The following SYNPR variants were observed in gnomAD, a reference collection of about 807,000 sequenced individuals.
SYNPR encodes the protein synaptoporin.
Under a neutral mutation model 32.9 loss-of-function variants are expected in SYNPR, and 23 were observed. The ratio of observed to expected loss-of-function variants is 0.70; its 90% CI spans 0.50 to 0.99. The LOEUF (loss-of-function observed/expected upper bound fraction) is 0.99. Ranked by LOEUF, SYNPR falls within the 50% of genes least tolerant of loss-of-function variation. The probability of loss-of-function intolerance (pLI) is 0.00; values close to 1 mark genes in which losing one functional copy is unlikely to be tolerated. For synonymous variants in SYNPR, 146 were observed against 135.9 expected (o/e 1.07, Z -0.52); for missense variants, 318 against 349.3 (o/e 0.91, Z 0.71).
chr3:63,217,913 T>C, the SYNPR span, among the ~76,000 whole-genome samples: 1 of 152,208 alleles, frequency 6.6e-6, no homozygotes, highest in African/African-American at 2.4e-5. Context: ...TCCAGTATCC[T>C]TAATAAGAGA....
At chr3:63,248,141 C>G (rs143372878) in intron 1 of SYNPR, among the ~76,000 whole-genome samples, 1 of 152,202 alleles carries the variant, frequency 6.6e-6, no homozygotes, top group East Asian at 1.9e-4. Flanking sequence ...AATGCCACAG[C>G]TTGTATTAAA....
At chr3:63,385,267 C>T (rs1560212579) in intron 2 of SYNPR, among the ~76,000 whole-genome samples, 3 of 152,326 alleles carry the variant, frequency 2.0e-5, no homozygotes, top group East Asian at 1.9e-4. Context: ...TTCTCCTTCC[C>T]GCCCTGCTTC....
chr3:63,588,190 G>A (rs191138883), intron 4 of SYNPR, among the ~76,000 whole-genome samples: 175 of 152,040 alleles, frequency 1.2e-3, no homozygotes, highest in African/African-American at 1.5e-3. Flanking sequence ...CAATACATAC[G>A]TCTTGGAATA....
chr3:63,322,726 T>A (rs1289117957), intron 2 of SYNPR, among the ~76,000 whole-genome samples: 1 of 152,034 alleles, frequency 6.6e-6, no homozygotes, highest in Admixed American at 6.6e-5. Context: ...GGAGCTTAGG[T>A]CTGTGTGGGG....
chr3:63,565,637 A>T (rs369870609), intron 4 of SYNPR, among the ~76,000 whole-genome samples: 2 of 152,082 alleles, frequency 1.3e-5, no homozygotes, highest in East Asian at 3.9e-4. Flanking sequence ...ACAAATTCAA[A>T]TCCTAGCATT....
chr3:63,209,393 G>C, the SYNPR span, among the ~76,000 whole-genome samples: 10 of 150,968 alleles, frequency 6.6e-5, no homozygotes, highest in Non-Finnish European at 5.9e-5. Context: ...TTATATCCCA[G>C]AATCAGCCAT....
chr3:63,400,736 T>C (rs1301282714), intron 2 of SYNPR, among the ~76,000 whole-genome samples: 3 of 152,138 alleles, frequency 2.0e-5, no homozygotes, highest in African/African-American at 4.8e-5. Flanking sequence ...GTCAAAGAAT[T>C]TGTGGACATA....
chr3:63,318,198 A>G (rs1001906254), intron 2 of SYNPR, among the ~76,000 whole-genome samples: 1 of 151,924 alleles, frequency 6.6e-6, no homozygotes, highest in Non-Finnish European at 1.5e-5. Flanking sequence ...TCTTTCCTTC[A>G]TCTTGACTTT....
At chr3:63,379,959 T>C (rs2087945117) in intron 2 of SYNPR, among the ~76,000 whole-genome samples, 1 of 152,162 alleles carries the variant, frequency 6.6e-6, no homozygotes, top group African/African-American at 2.4e-5. Flanking sequence ...GTCCTTGCGA[T>C]AGTTTGCTGA....
intron 1 of SYNPR, among the ~76,000 whole-genome samples, chr3:63,235,532 C>G (rs1015811301): frequency 7.2e-5 from 11 of 152,150 alleles, no homozygotes; most frequent in Admixed American, 6.5e-4. Context: ...TCTTGAATAG[C>G]ATGGTTGATT....
Position 63,438,099 on chromosome 3 carries a change from C to T in SYNPR, c.85-42733C>T, listed in dbSNP as rs572653984. ...TGGCCGCTCTGTGCTGGGCACTTTG[C>T]TTTGGGCTGAGGATACAGAGATAGT... On this transcript the variant is annotated intron_variant, in intron 2 of 5. Transcript: ENST00000478300. Among the ~76,000 whole-genome samples, 135 of 152,318 alleles carry T rather than the reference C, an allele frequency of 8.9e-4. 5 individuals are homozygous for T. In the South Asian group the frequency reaches 0.027, roughly 30 times the overall value.
At chr3:63,254,767 T>C (rs924756124) in intron 2 of SYNPR, among the ~76,000 whole-genome samples, 18 of 152,222 alleles carry the variant, frequency 1.2e-4, no homozygotes, top group African/African-American at 4.1e-4. Context: ...GGAATGTATT[T>C]GGACACAGAG....
At chr3:63,484,137 T>C (rs1475824273) in intron 3 of SYNPR, among the ~76,000 whole-genome samples, 1 of 152,172 alleles carries the variant, frequency 6.6e-6, no homozygotes, top group East Asian at 1.9e-4. Context: ...AGTGCATATC[T>C]CCTTTACAGC....
At chr3:63,203,047 AATAC>A in the SYNPR span, among the ~76,000 whole-genome samples, 5 of 83,288 alleles carry the variant, frequency 6.0e-5, no homozygotes, top group Non-Finnish European at 1.1e-4. Flanking sequence ...TATAAATATA[AATAC>A]ATATATATAT....
chr3:63,472,372 G>T (rs1183304700), intron 2 of SYNPR, among the ~76,000 whole-genome samples: 2 of 152,112 alleles, frequency 1.3e-5, no homozygotes, highest in Admixed American at 6.5e-5. Context: ...AAAATGAGGG[G>T]TTATATTTCT....
intron 2 of SYNPR, among the ~76,000 whole-genome samples, chr3:63,257,913 G>A (rs1376151764): frequency 1.3e-5 from 2 of 152,220 alleles, no homozygotes; most frequent in Non-Finnish European, 2.9e-5. Context: ...GGCAGGGGTT[G>A]CAATCCTAAT....
intron 2 of SYNPR, among the ~76,000 whole-genome samples, chr3:63,293,400 T>A (rs1381754307): frequency 6.6e-6 from 1 of 152,180 alleles, no homozygotes; most frequent in Non-Finnish European, 1.5e-5. Context: ...AAGCAAAAAT[T>A]AGTAAATTAA....
chr3:63,470,939 T>C (rs1407851959), intron 2 of SYNPR, among the ~76,000 whole-genome samples: 3 of 152,236 alleles, frequency 2.0e-5, no homozygotes, highest in African/African-American at 7.2e-5. Context: ...TCAGACTTTC[T>C]GTTATCTACA....
At chr3:63,595,320 C>A (rs1349198167) in intron 4 of SYNPR, among the ~76,000 whole-genome samples, 1 of 152,052 alleles carries the variant, frequency 6.6e-6, no homozygotes, top group African/African-American at 2.4e-5. Flanking sequence ...ACCACTCTTA[C>A]CCCAGAATTC....
Sources: gnomAD v4.1 joint callset for allele counts (sites outside exome capture counted in the v4.1 genomes callset) on GRCh38, gnomAD v4.1.1 for gene constraint, MANE v1.5 for transcripts, NCBI Gene and HGNC (gene_info 2026-07-23, HGNC 2026-07-21) for gene names.